Variants in CNIH3 observed in about 807,000 individuals in gnomAD.
CNIH3 encodes the protein protein cornichon homolog 3.
CNIH3 carries 14 observed loss-of-function variants against 24.1 expected under a neutral mutation model. The observed-to-expected ratio is 0.58, with a 90% CI of 0.38 to 0.91. CNIH3 has a LOEUF of 0.91. CNIH3 is among the 40% of genes least tolerant of loss of function. The pLI is 0.00. For missense variants in CNIH3, 178 were observed against 196.8 expected (o/e 0.90, Z 0.57); for synonymous variants, 68 against 73.8 (o/e 0.92, Z 0.40).
chr1:224,550,303 G>A (rs1213442505), intron 3 of CNIH3, among the ~76,000 whole-genome samples: 1 of 152,168 alleles, frequency 6.6e-6, no homozygotes, highest in Non-Finnish European at 1.5e-5. Flanking sequence ...GAATAGTATG[G>A]AAATATCGGA....
intron 1 of CNIH3, among the ~76,000 whole-genome samples, chr1:224,652,043 C>T (rs1684883615): frequency 6.6e-6 from 1 of 152,168 alleles, no homozygotes; most frequent in African/African-American, 2.4e-5. Context: ...CCTTGTCACA[C>T]TCCTTAGCCA....
chr1:224,651,100 C>T (rs1684838203), intron 1 of CNIH3, among the ~76,000 whole-genome samples: 1 of 152,006 alleles, frequency 6.6e-6, no homozygotes, highest in Non-Finnish European at 1.5e-5. Flanking sequence ...CACACCCAAG[C>T]CCCAGTGAAC....
At chr1:224,645,487 G>A (rs1287225634) in intron 1 of CNIH3, among the ~76,000 whole-genome samples, 2 of 152,246 alleles carry the variant, frequency 1.3e-5, no homozygotes, top group Admixed American at 6.5e-5. Flanking sequence ...CAGCGGTGCC[G>A]AGCGTTTCCA....
intron 1 of CNIH3, among the ~76,000 whole-genome samples, chr1:224,507,021 A>G (rs1677948477): frequency 6.6e-6 from 1 of 151,974 alleles, no homozygotes; most frequent in Non-Finnish European, 1.5e-5. Context: ...GAGCCACCAC[A>G]CCTGGCTAAT....
intron 1 of CNIH3, among the ~76,000 whole-genome samples, chr1:224,481,863 A>G (rs1676827250): frequency 6.6e-6 from 1 of 152,140 alleles, no homozygotes; most frequent in South Asian, 2.1e-4. Flanking sequence ...TGGGCCTTGG[A>G]TGGGTCCAAA....
At chr1:224,454,644 C>A (rs777946959) in intron 1 of CNIH3, among the ~76,000 whole-genome samples, 2 of 152,282 alleles carry the variant, frequency 1.3e-5, no homozygotes, top group South Asian at 4.1e-4. Flanking sequence ...ACTCTGCACC[C>A]AAGCTCGTGA....
chr1:224,450,434 C>A (rs768009871), intron 1 of CNIH3, among the ~76,000 whole-genome samples: 1 of 152,098 alleles, frequency 6.6e-6, no homozygotes, highest in Non-Finnish European at 1.5e-5. Context: ...CTCAGGGGTA[C>A]CCTTGAGGCT....
At chr1:224,575,011 T>A in intron 4 of CNIH3, 1 of 877,534 alleles carries the variant, frequency 1.1e-6, no homozygotes, top group Non-Finnish European at 2.0e-6. Flanking sequence ...CACCCGTACC[T>A]CACTCAGGAG....
chr1:224,695,768 C>G (rs921869744), intron 3 of CNIH3, among the ~76,000 whole-genome samples: 3 of 152,218 alleles, frequency 2.0e-5, no homozygotes, highest in Non-Finnish European at 4.4e-5. Context: ...TAGTCTGGAC[C>G]AGATGAAACT....
intron 3 of CNIH3, among the ~76,000 whole-genome samples, chr1:224,554,756 A>G (rs1472133827): frequency 6.6e-6 from 1 of 151,866 alleles, no homozygotes; most frequent in East Asian, 1.9e-4. Context: ...GATAATAATC[A>G]TTATTGTTTT....
At chr1:224,610,718 A>C (rs1168798149) in intron 3 of CNIH3, among the ~76,000 whole-genome samples, 3 of 152,254 alleles carry the variant, frequency 2.0e-5, no homozygotes, top group Non-Finnish European at 4.4e-5. Context: ...GCAGAAAACC[A>C]AAACTAATTT....
At chr1:224,528,796 A>G (rs913028326) in intron 2 of CNIH3, among the ~76,000 whole-genome samples, 7 of 152,256 alleles carry the variant, frequency 4.6e-5, no homozygotes, top group African/African-American at 1.7e-4. Flanking sequence ...CCTGAAACCT[A>G]TGAACAATAA....
chr1:224,477,931 G>T (rs1469028661), intron 1 of CNIH3, among the ~76,000 whole-genome samples: 1 of 151,924 alleles, frequency 6.6e-6, no homozygotes, highest in Non-Finnish European at 1.5e-5. Flanking sequence ...TTTTTTTCCA[G>T]ATATACTATT....
At chr1:224,584,876 G>A (rs1441168434) in intron 5 of CNIH3, among the ~76,000 whole-genome samples, 1 of 152,166 alleles carries the variant, frequency 6.6e-6, no homozygotes, top group Non-Finnish European at 1.5e-5. Flanking sequence ...ATGAGGATAG[G>A]ACCAAGGGAC....
chr1:224,719,480 A>G (rs1023921713), intron 3 of CNIH3, among the ~76,000 whole-genome samples: 1 of 152,230 alleles, frequency 6.6e-6, no homozygotes, highest in Non-Finnish European at 1.5e-5. Context: ...TTTTAAAACT[A>G]TATGGAGTAT....
chr1:224,665,825 G>T (rs960391230), intron 1 of CNIH3, among the ~76,000 whole-genome samples: 5 of 136,384 alleles, frequency 3.7e-5, no homozygotes, highest in Non-Finnish European at 7.6e-5. Flanking sequence ...GGTTAGAGTC[G>T]ATAGGTTTAG....
chr1:224,516,613 T>A (rs1203760931), intron 1 of CNIH3, among the ~76,000 whole-genome samples: 6 of 152,372 alleles, frequency 3.9e-5, no homozygotes, highest in Non-Finnish European at 8.8e-5. Context: ...TTGCAAAGCC[T>A]CTGCATGCTC....
intron 5 of CNIH3, among the ~76,000 whole-genome samples, chr1:224,585,365 G>C (rs1376570695): frequency 6.6e-6 from 1 of 152,166 alleles, no homozygotes; most frequent in Admixed American, 6.5e-5. Flanking sequence ...TGTGACTAAA[G>C]ATGCGTAGGA....
At chr1:224,468,901 C>G (rs556994483) in intron 1 of CNIH3, among the ~76,000 whole-genome samples, 3 of 151,272 alleles carry the variant, frequency 2.0e-5, no homozygotes, top group African/African-American at 4.8e-5. Flanking sequence ...GTCTTTCAGT[C>G]TTTCACCACT....
Sources: gnomAD v4.1 joint callset for allele counts (sites outside exome capture counted in the v4.1 genomes callset) on GRCh38, gnomAD v4.1.1 for gene constraint, MANE v1.5 for transcripts, NCBI Gene and HGNC (gene_info 2026-07-23, HGNC 2026-07-21) for gene names.